APEH: variants seen among roughly 807,000 people sequenced by gnomAD.
APEH encodes the protein acylamino-acid-releasing enzyme.
A neutral mutation model predicts 102.7 loss-of-function variants in APEH; 75 were observed. The ratio of observed to expected loss-of-function variants is 0.73; its 90% CI spans 0.61 to 0.89. The LOEUF (loss-of-function observed/expected upper bound fraction) is 0.89, where lower values mean the gene tolerates loss of function less well. APEH is among the 40% of genes least tolerant of loss of function. The pLI, the probability that APEH is intolerant of heterozygous loss-of-function variation, is 0.00. For synonymous variants in APEH, 344 were observed against 362.7 expected, an observed-to-expected ratio of 0.95 and a Z score of 0.59; for missense variants, 863 against 941.2, an observed-to-expected ratio of 0.92 and a Z score of 1.09.
chr3:49,676,513 C>T lies in APEH; in HGVS notation c.742C>T (p.Gln248Ter). The T allele has an allele frequency of 6.2e-7, 1 of 1,614,252 alleles. No homozygotes were observed. The highest frequency in any genetic ancestry group is 8.5e-7 in the Non-Finnish European group (1 of 1,180,034). Residue 248 changes from glutamine to a stop codon, truncating the protein, a stop_gained and splice_region_variant, in exon 7 of 22, where the codon CAG (glutamine) becomes TAG (stop). Coordinates refer to ENST00000296456, the MANE Select transcript of APEH (RefSeq NM_001640.4). LOFTEE classifies it high-confidence loss of function. The stretch of plus-strand genomic sequence containing the variant: ...GGTCCCTGAGAATGTGTCCCCTGGA[C>T]AGGTCAGCAGCAACAGCCTGTGTCC... ...EGVPENVSPG[Q>*]AFWAPGDAGV... is the part of the protein sequence containing the mutation.
At position 49,680,590 on chromosome 3, in the gene APEH, G is replaced by A. The variant is rs755979621; in HGVS notation, c.1260G>A (p.Met420Ile). 1.2e-6 allele frequency: 2 copies of A among 1,614,104 alleles called. No individual in the cohort carries two copies. The highest frequency in any genetic ancestry group is 3.3e-5 in the Admixed American group (2 of 60,016). ...WKLLTIDQDL[M>I]VAQFSTPSLP... ...TGCTCACAATTGACCAGGACCTCAT[G>A]GTGGCACAGTTTTCCACACCCAGCC... The change falls in exon 14 of 22, where the codon ATG (methionine) becomes ATA (isoleucine). Residue 420 changes from methionine (M) to isoleucine (I), a missense_variant. Physicochemically the swap from Met to Ile is conservative, Grantham distance 10. Transcript: ENST00000296456.
chr3:49,683,527 T>A lies in APEH; in HGVS notation c.*185T>A. 1 of 598,366 alleles carries A rather than the reference T, an allele frequency of 1.7e-6. No homozygotes were observed. The highest frequency in any genetic ancestry group is 2.9e-5 in the Admixed American group (1 of 34,620). 37.1% of individuals were successfully genotyped at this position (598,366 alleles called of 1,614,324 possible). A position where few individuals can be genotyped will look rare whatever the true frequency, so the allele number is the denominator to read the frequency against. On this transcript the variant is annotated 3_prime_UTR_variant, in exon 22 of 22. Transcript: ENST00000296456. Reference sequence around the variant, plus strand: ...GAGCCTGGTTCCTGCTGGTACTTTGTACCAAACCATCCCCAACCCCACCTC... The same window carrying A: ...GAGCCTGGTTCCTGCTGGTACTTTGAACCAAACCATCCCCAACCCCACCTC...
Position 49,677,556 on chromosome 3 carries a change from AT to A in APEH, c.1000-15del, listed in dbSNP as rs748216364. On this transcript the variant is annotated splice_polypyrimidine_tract_variant and intron_variant, in intron 10 of 21. Transcript: ENST00000296456. ...TGCCTGTCCCCTACTGGACCTGACC[AT>A]TGTGTTCTCTTGCAGTATGACTGGT... The A allele has an allele frequency of 6.2e-6, 10 of 1,610,766 alleles. No individual in the cohort carries two copies. Among genetic ancestry groups the A allele is most frequent in the Admixed American group, 3.3e-5 (2 of 59,984 alleles).
rs1131095 is a variant in APEH at position 49,676,792 on chromosome 3, T to C, written c.852T>C (p.Tyr284=). Residue 284 remains tyrosine (Y), a synonymous_variant, in exon 9 of 22, where the codon TAT becomes TAC. Coordinates refer to ENST00000296456, the MANE Select transcript of APEH (RefSeq NM_001640.4). ...GTGGTTCCAGGTCAGCCCTGTATTA[T>C]GTGGACCTCATCGGGGGGAAGTGTG... ...FCTNRRSALY[Y]VDLIGGKCEL... 458,594 of 1,614,072 alleles carry C rather than the reference T, an allele frequency of 0.28. 69,211 individuals are homozygous for C. Among genetic ancestry groups the C allele is most frequent in the Middle Eastern group, 0.3 (1,842 of 6,062 alleles).
Position 49,681,751 on chromosome 3 carries a change from C to T in APEH, c.1468C>T (p.Gln490Ter), listed in dbSNP as rs1315169253. ...CCTTGACTTTGAAGCAATCCTGCTG[C>T]AGCCTGGCAGCCCTCCAGATAAGAC... ...AGLDFEAILLQPGSPPDKTQV... is the reference protein window; with the variant it reads ...AGLDFEAILL Residue 490 changes from glutamine to a stop codon, truncating the protein, a stop_gained, in exon 16 of 22, where the codon CAG becomes TAG. Transcript: ENST00000296456. LOFTEE classifies it high-confidence loss of function. The T allele has an allele frequency of 1.2e-6, 2 of 1,603,846 alleles. No individual in the cohort carries two copies. Among genetic ancestry groups the T allele is most frequent in the African/African-American group, 1.3e-5 (1 of 74,820 alleles).
Position 49,675,272 on chromosome 3 carries a change from G to A in APEH, c.235G>A (p.Ala79Thr). The stretch of plus-strand genomic sequence containing the variant: ...CCATGACGGGGACTCAGTGGTGTTT[G>A]CAGGACCTGCAGGCAACAGTGTGGA... ...VFHDGDSVVF[A>T]GPAGNSVETR... The change falls in exon 3 of 22, where the codon GCA becomes ACA. Residue 79 changes from alanine (A) to threonine (T), a missense_variant. Ala to Thr is a moderately conservative substitution (Grantham distance 58). Coordinates refer to ENST00000296456, the MANE Select transcript of APEH (RefSeq NM_001640.4). 1 of 1,614,028 alleles carries A rather than the reference G, an allele frequency of 6.2e-7. No individual in the cohort carries two copies. Among genetic ancestry groups the A allele is most frequent in the Non-Finnish European group, 8.5e-7 (1 of 1,179,984 alleles).
intron 5 of APEH, 39 bp from the exon 6 acceptor site, chr3:49,676,017 A>G (rs1263691425): frequency 6.2e-7 from 1 of 1,614,180 alleles, no homozygotes; most frequent in East Asian, 2.2e-5. Flanking sequence ...GGGTAGCCGT[A>G]GCCCTGGGCC....
At chr3:49,681,683 C>G in intron 15 of APEH, 39 bp from the exon 16 acceptor site, 1 of 1,495,248 alleles carries the variant, frequency 6.7e-7, no homozygotes, top group Non-Finnish European at 9.0e-7. Context: ...TGGGGAAGCC[C>G]CTAGGCTCAC....
upstream of APEH, among the ~76,000 whole-genome samples, chr3:49,673,197 C>CCAG (rs2052855584): frequency 1.4e-5 from 2 of 145,190 alleles, no homozygotes; most frequent in African/African-American, 5.1e-5. Context: ...GACTCTCAAT[C>CCAG]ACAAGCACGC....
In APEH at chr3:49,679,738, A is replaced by G; in HGVS notation, c.1210+94A>G. The G allele has an allele frequency of 7.5e-7, 1 of 1,327,842 alleles. No homozygotes were observed. The highest frequency in any genetic ancestry group is 1.4e-5 in the African/African-American group (1 of 69,144). 82.3% of individuals were successfully genotyped at this position (1,327,842 alleles called of 1,614,324 possible). A position where few individuals can be genotyped will look rare whatever the true frequency, so the allele number is the denominator to read the frequency against. ...TGGAGCTCCAACATGTGGGGCAGTG[A>G]TGGCATTCTCAGCCACTCAGCACCA... On this transcript the variant is annotated intron_variant, in intron 13 of 21. Transcript: ENST00000296456. The surrounding 1 kb of genome is among the most constrained non-coding windows in gnomAD (Gnocchi z 4.3).
Position 49,683,253 on chromosome 3 carries a change from A to C in APEH, c.2110A>C (p.Lys704Gln). The change falls in exon 22 of 22, where the codon AAA becomes CAA. Residue 704 changes from lysine (K) to glutamine (Q), a missense_variant. Coordinates refer to ENST00000296456, the MANE Select transcript of APEH (RefSeq NM_001640.4). ...TCCCTACAGGCTCCTGCTCTATCCC[A>C]AAAGCACCCACGCATTATCAGAGGT... is the stretch of plus-strand genomic sequence containing the variant. ...NVPVRLLLYP[K>Q]STHALSEVEV... The C allele has an allele frequency of 6.2e-7, 1 of 1,613,868 alleles. No homozygotes were observed. Among genetic ancestry groups the C allele is most frequent in the Non-Finnish European group, 8.5e-7 (1 of 1,179,838 alleles).
Position 49,674,617 on chromosome 3 carries a change from C to A in APEH, c.141C>A (p.His47Gln), listed in dbSNP as rs774572192. The change falls in exon 2 of 22, where the codon CAC becomes CAA. Residue 47 changes from histidine to glutamine, a missense_variant. By Grantham distance (24) the His-to-Gln change is conservative. Coordinates refer to ENST00000296456, the MANE Select transcript of APEH (RefSeq NM_001640.4). ...TQYGGQYRTV[H>Q]TEWTQRDLER... ...ACGGCGGCCAATACCGGACGGTGCA[C>A]ACTGGTGTGTGTGCGAAGGGGAACT... 6.3e-7 allele frequency: 1 copy of A among 1,585,868 alleles called. No individual in the cohort carries two copies. The highest frequency in any genetic ancestry group is 8.5e-7 in the Non-Finnish European group (1 of 1,175,524).
At chr3:49,676,317 C>T in intron 6 of APEH, 61 bp from the exon 7 acceptor site, 3 of 1,612,508 alleles carry the variant, frequency 1.9e-6, no homozygotes, top group Non-Finnish European at 2.5e-6. Flanking sequence ...GAGGCACTAG[C>T]TTTTAGGAAG....
Position 49,682,379 on chromosome 3 carries a change from G to C in APEH, c.1635G>C (p.Gln545His). The C allele has an allele frequency of 6.2e-7, 1 of 1,613,958 alleles. No homozygotes were observed. Among genetic ancestry groups the C allele is most frequent in the Non-Finnish European group, 8.5e-7 (1 of 1,179,928 alleles). ...ATCGTGGCTCCACGGGCTTTGGCCA[G>C]GACAGCATCCTCTCCCTCCCAGGCA... The part of the protein sequence containing the change: ...VNYRGSTGFG[Q>H]DSILSLPGNV... The change falls in exon 18 of 22, where the codon CAG becomes CAC. Residue 545 changes from glutamine (Q) to histidine (H), a missense_variant. By Grantham distance (24) the Gln-to-His change is conservative (BLOSUM62 0). Transcript: ENST00000296456.
rs1183169204 is a variant in APEH at position 49,676,649 on chromosome 3, G to T, written c.785G>T (p.Gly262Val). 6.2e-7 allele frequency: 1 copy of T among 1,614,272 alleles called. No individual in the cohort carries two copies. Among genetic ancestry groups the T allele is most frequent in the Non-Finnish European group, 8.5e-7 (1 of 1,180,046 alleles). The change falls in exon 8 of 22, where the codon GGC (glycine) becomes GTC (valine). Residue 262 changes from glycine (G) to valine (V), a missense_variant. Coordinates refer to ENST00000296456, the MANE Select transcript of APEH (RefSeq NM_001640.4). ...APGDAGVVFV[G>V]WWHEPFRLGI... Reference sequence around the variant, plus strand: ...GGAGATGCTGGTGTGGTGTTTGTGGGCTGGTGGCATGAGCCCTTCCGGTTG... The same window carrying T: ...GGAGATGCTGGTGTGGTGTTTGTGGTCTGGTGGCATGAGCCCTTCCGGTTG...
chr3:49,682,664 A>G lies in APEH; in HGVS notation c.1811A>G (p.Tyr604Cys). ...TTGATTGGTCAGTACCCAGAGACCT[A>G]CAGGGCCTGCGTGGCCCGGAACCCC... ...CHLIGQYPET[Y>C]RACVARNPVI... The change falls in exon 19 of 22, where the codon TAC becomes TGC. Residue 604 changes from tyrosine to cysteine, a missense_variant. By Grantham distance (194) the Tyr-to-Cys change is radical. Coordinates refer to ENST00000296456, the MANE Select transcript of APEH (RefSeq NM_001640.4). 6.2e-7 allele frequency: 1 copy of G among 1,614,024 alleles called. No individual in the cohort carries two copies. Among genetic ancestry groups the G allele is most frequent in the Non-Finnish European group, 8.5e-7 (1 of 1,180,020 alleles).
chr3:49,681,654 C>G (rs1390772861), intron 15 of APEH, 68 bp from the exon 16 acceptor site: 1 of 1,362,918 alleles, frequency 7.3e-7, no homozygotes, highest in African/African-American at 1.5e-5. Context: ...ACACCTGCAG[C>G]TAGAGATGGG....
At position 49,683,145 on chromosome 3, in the gene APEH, C is replaced by T. The variant is rs747166973; in HGVS notation, c.2092C>T (p.Arg698Trp). The T allele has an allele frequency of 9.9e-6, 16 of 1,613,752 alleles. No homozygotes were observed. Among genetic ancestry groups the T allele is most frequent in the East Asian group, 4.5e-5 (2 of 44,898 alleles). Residue 698 changes from arginine (R) to tryptophan (W), a missense_variant and splice_region_variant, in exon 21 of 22, where the codon CGG becomes TGG. Coordinates refer to ENST00000296456, the MANE Select transcript of APEH (RefSeq NM_001640.4). The stretch of plus-strand genomic sequence containing the variant: ...CCTCAAGACCCGGAATGTGCCTGTT[C>T]GGTGAGTGCAGCATGAAGGCCCTGG... Reference protein sequence around the residue: ...RALKTRNVPVRLLLYPKSTHA... With the variant: ...RALKTRNVPVWLLLYPKSTHA...
At chr3:49,676,881 C>G (rs1302648940) in intron 9 of APEH, 22 bp from the exon 10 acceptor site, 5 of 1,614,140 alleles carry the variant, frequency 3.1e-6, no homozygotes, top group Non-Finnish European at 4.2e-6. Flanking sequence ...CTGCGTGATG[C>G]TCATGTTTCC....
Sources: allele counts gnomAD v4.1 joint callset (sites outside exome capture counted in the v4.1 genomes callset), GRCh38; gene constraint gnomAD v4.1.1; non-coding constraint Gnocchi (gnomAD v3.1); transcripts MANE v1.5; gene names NCBI Gene and HGNC (gene_info 2026-07-23, HGNC 2026-07-21).